Variants in VIT observed in about 807,000 individuals in gnomAD.
VIT encodes vitrin.
In VIT, 99 loss-of-function variants were observed where a neutral mutation model predicts 78.0. That is an observed-to-expected ratio of 1.27 (90% CI 1.08 to 1.50). The LOEUF is 1.50. Ranked by LOEUF, VIT falls within the 40% of genes most tolerant of loss-of-function variation. The pLI is 0.00. For synonymous variants in VIT, 374 were observed against 334.3 expected (o/e 1.12, Z -1.29); for missense variants, 1,126 against 875.3 (o/e 1.29, Z -3.61).
intron 14 of VIT, among the ~76,000 whole-genome samples, chr2:36,807,671 G>A (rs564222664): frequency 1.3e-5 from 2 of 152,334 alleles, no homozygotes; most frequent in Non-Finnish European, 2.9e-5. Context: ...CACGCCTTGG[G>A]AACATTATAC....
chr2:36,700,617 C>T (rs1664991063), intron 1 of VIT, among the ~76,000 whole-genome samples: 2 of 152,070 alleles, frequency 1.3e-5, no homozygotes, highest in South Asian at 2.1e-4. Flanking sequence ...CTGTGCTCGC[C>T]TGTAGTACCA....
chr2:36,811,511 C>T (rs1667167363), intron 15 of VIT, among the ~76,000 whole-genome samples: 1 of 152,184 alleles, frequency 6.6e-6, no homozygotes. Flanking sequence ...CAGCTTAACA[C>T]TGAGATTTGT....
chr2:36,759,196 A>G (rs766679313), intron 6 of VIT, 150 bp downstream of exon 6: 32 of 1,572,950 alleles, frequency 2.0e-5, no homozygotes, highest in Non-Finnish European at 2.6e-5. Context: ...ATGGGCACAG[A>G]AATCAATGAG....
At chr2:36,697,872 A>G (rs1377631383) in intron 1 of VIT, among the ~76,000 whole-genome samples, 2 of 152,256 alleles carry the variant, frequency 1.3e-5, no homozygotes, top group Non-Finnish European at 2.9e-5. Context: ...CTAAGAAAAT[A>G]GTATTTTGCC....
At chr2:36,743,795 C>CT (rs1308323882) in intron 4 of VIT, among the ~76,000 whole-genome samples, 12 of 152,002 alleles carry the variant, frequency 7.9e-5, no homozygotes, top group African/African-American at 2.9e-4. Flanking sequence ...AGACATTGCT[C>CT]TTTTTTAATT....
intron 1 of VIT, among the ~76,000 whole-genome samples, chr2:36,709,554 T>C (rs1665672515): frequency 6.6e-6 from 1 of 152,208 alleles, no homozygotes; most frequent in Admixed American, 6.5e-5. Context: ...TATACTTTTA[T>C]TTTTTAATGA....
chr2:36,713,180 G>C (rs573490701), intron 1 of VIT, among the ~76,000 whole-genome samples: 1 of 152,306 alleles, frequency 6.6e-6, no homozygotes, highest in Admixed American at 6.5e-5. Flanking sequence ...TTTTAAATTG[G>C]ATAACTAGGG....
At chr2:36,759,326 T>G in intron 6 of VIT, 1 of 1,432,954 alleles carries the variant, frequency 7.0e-7, no homozygotes, top group Non-Finnish European at 9.1e-7. Context: ...TTTTAATGTA[T>G]TGTTGCTTTA....
At chr2:36,712,149 A>ATT (rs11436639) in intron 1 of VIT, among the ~76,000 whole-genome samples, 9 of 150,992 alleles carry the variant, frequency 6.0e-5, no homozygotes, top group South Asian at 4.2e-4. Context: ...AGAGGGTTTG[A>ATT]TTTTTTTTTT....
At chr2:36,713,550 C>T (rs1207717875) in intron 1 of VIT, among the ~76,000 whole-genome samples, 1 of 152,100 alleles carries the variant, frequency 6.6e-6, no homozygotes, top group Non-Finnish European at 1.5e-5. Context: ...ATGCTGGCTG[C>T]TCTGTGGACT....
At chr2:36,742,968 T>C in intron 3 of VIT, 132 bp from the exon 4 acceptor site, 2 of 1,087,376 alleles carry the variant, frequency 1.8e-6, no homozygotes, top group Non-Finnish European at 2.6e-6. Flanking sequence ...GCTTTCATTA[T>C]AGGGAGGGGA....
At chr2:36,709,349 C>T (rs1162028636) in intron 1 of VIT, among the ~76,000 whole-genome samples, 1 of 152,244 alleles carries the variant, frequency 6.6e-6, no homozygotes, top group Non-Finnish European at 1.5e-5. Flanking sequence ...AATTCCTTAC[C>T]TCTAAAATGA....
At chr2:36,800,082 C>G (rs1030540881) in intron 12 of VIT, among the ~76,000 whole-genome samples, 2 of 149,940 alleles carry the variant, frequency 1.3e-5, no homozygotes, top group Non-Finnish European at 3.0e-5. Flanking sequence ...CACGGTGGCT[C>G]ACGCCTGTAA....
chr2:36,723,177 T>C (rs572000188), intron 2 of VIT, among the ~76,000 whole-genome samples: 38 of 152,308 alleles, frequency 2.5e-4, no homozygotes, highest in African/African-American at 9.1e-4. Context: ...TTTAATAATC[T>C]ACTACACACC....
chr2:36,811,616 A>T (rs1027092010), intron 15 of VIT, among the ~76,000 whole-genome samples: 2 of 151,984 alleles, frequency 1.3e-5, no homozygotes, highest in Non-Finnish European at 2.9e-5. Flanking sequence ...CTGTACAACA[A>T]GAGTGGACTT....
chr2:36,809,476 G>T (rs959913754), intron 15 of VIT, among the ~76,000 whole-genome samples: 1 of 152,018 alleles, frequency 6.6e-6, no homozygotes, highest in African/African-American at 2.4e-5. Context: ...GTAGTGCAAC[G>T]GTGCCATCTC....
Position 36,808,736 on chromosome 2 carries a change from G to A in VIT, c.1654G>A (p.Val552Met), listed in dbSNP as rs774353511. ...CGACACGGACACGCGCATCGGGGCC[G>A]TGCAGTACACCTACGAACAGCGGCT... ...ISDTDTRIGA[V>M]QYTYEQRLEF... Residue 552 changes from valine to methionine, a missense_variant, in exon 15 of 16, where the codon GTG (valine) becomes ATG (methionine). Coordinates refer to ENST00000379242, the MANE Select transcript of VIT (RefSeq NM_053276.4). 24 of 1,614,194 alleles carry A rather than the reference G, an allele frequency of 1.5e-5. No individual in the cohort carries two copies. The highest frequency in any genetic ancestry group is 4.5e-5 in the East Asian group (2 of 44,878).
chr2:36,726,217 A>G (rs892763060), intron 2 of VIT, among the ~76,000 whole-genome samples: 5 of 152,226 alleles, frequency 3.3e-5, no homozygotes, highest in Non-Finnish European at 5.9e-5. Flanking sequence ...ATATTAAATC[A>G]AAGTTTGGTT....
At chr2:36,748,247 T>G (rs1668256111) in intron 4 of VIT, among the ~76,000 whole-genome samples, 1 of 152,184 alleles carries the variant, frequency 6.6e-6, no homozygotes, top group Non-Finnish European at 1.5e-5. Context: ...TTTGCTGAAT[T>G]TCTTGAATTT....
Sources: allele counts gnomAD v4.1 joint callset (sites outside exome capture counted in the v4.1 genomes callset), GRCh38; gene constraint gnomAD v4.1.1; transcripts MANE v1.5; gene names NCBI Gene and HGNC (gene_info 2026-07-23, HGNC 2026-07-21).